SBF1: variants seen among roughly 807,000 people sequenced by gnomAD.
SBF1 encodes myotubularin-related protein 5.
SBF1 carries 65 observed loss-of-function variants against 215.8 expected under a neutral mutation model. The ratio of observed to expected loss-of-function variants is 0.30; its 90% CI spans 0.25 to 0.37. SBF1 has a LOEUF of 0.37. Ranked by LOEUF, SBF1 falls within the 10% of genes least tolerant of loss-of-function variation. SBF1 has a pLI of 1.00. For synonymous variants in SBF1, 1,410 were observed against 1,122.8 expected (o/e 1.26, Z -5.11); for missense variants, 2,634 against 2,667.8 (o/e 0.99, Z 0.28).
intron 1 of SBF1, among the ~76,000 whole-genome samples, chr22:50,472,184 G>A (rs1569514909): frequency 6.6e-6 from 1 of 152,190 alleles, no homozygotes; most frequent in Non-Finnish European, 1.5e-5. Context: ...TCTCTGAGGT[G>A]AAAGGGTCAC....
At chr22:50,461,891 A>G in intron 20 of SBF1, 22 bp from the exon 21 acceptor site, 1 of 1,613,944 alleles carries the variant, frequency 6.2e-7, no homozygotes, top group Non-Finnish European at 8.5e-7. Context: ...CAGTTCTCAC[A>G]CTTTGTGCCC....
In SBF1 at chr22:50,466,705, C is replaced by A. The variant is rs766198779; in HGVS notation, c.555G>T (p.Thr185=). The A allele has an allele frequency of 5.2e-6, 8 of 1,529,690 alleles. No homozygotes were observed. In the Admixed American group the frequency reaches 1.2e-4, roughly 24 times the overall value. 94.8% of individuals were successfully genotyped at this position (1,529,690 alleles called of 1,614,324 possible). The change falls in exon 6 of 41, where the codon ACG becomes ACT. Residue 185 remains threonine (T), a synonymous_variant. Coordinates refer to ENST00000380817, the MANE Select transcript of SBF1 (RefSeq NM_002972.4). Reference sequence around the variant, plus strand: ...GCCGGTCACCAGCCCCCAAAGAGATCGTCCTCTGCAGCAAAAAAAGGATCG... The same window carrying A: ...GCCGGTCACCAGCCCCCAAAGAGATAGTCCTCTGCAGCAAAAAAAGGATCG... The part of the protein sequence containing the change: ...TVPLAGGSQR[T]ISLGAGDRQV...
intron 36 of SBF1, among the ~76,000 whole-genome samples, chr22:50,451,506 T>C (rs2067046406): frequency 6.6e-6 from 1 of 152,036 alleles, no homozygotes; most frequent in Non-Finnish European, 1.5e-5. Flanking sequence ...TATGGGACAA[T>C]AAAGTTCCAG....
At chr22:50,449,672 G>C (rs1276851190) in intron 36 of SBF1, among the ~76,000 whole-genome samples, 1 of 147,794 alleles carries the variant, frequency 6.8e-6, no homozygotes, top group Non-Finnish European at 1.5e-5. Flanking sequence ...AAATGGGACA[G>C]AAAAACTGCT....
At position 50,474,848 on chromosome 22, in the gene SBF1, G is replaced by A; in HGVS notation, c.-8C>T. ...GTCCGCGAGCCGCGCCATGGCGAGG[G>A]ACGCGGGGCGGCCCGAGGGGCGCGG... On this transcript the variant is annotated 5_prime_UTR_variant, in exon 1 of 41. Coordinates refer to ENST00000380817, the MANE Select transcript of SBF1 (RefSeq NM_002972.4). 1 of 1,415,294 alleles carries A rather than the reference G, an allele frequency of 7.1e-7. No homozygotes were observed. The highest frequency in any genetic ancestry group is 9.2e-7 in the Non-Finnish European group (1 of 1,086,872). 87.7% of individuals were successfully genotyped at this position (1,415,294 alleles called of 1,614,324 possible). A position where few individuals can be genotyped will look rare whatever the true frequency, so the allele number is the denominator to read the frequency against.
intron 15 of SBF1, 53 bp downstream of exon 15, chr22:50,464,276 G>A: frequency 1.4e-6 from 2 of 1,425,388 alleles, no homozygotes; most frequent in Admixed American, 3.5e-5. Context: ...TGCAGCCTGG[G>A]TCTCCTCTGA....
intron 28 of SBF1, among the ~76,000 whole-genome samples, chr22:50,458,779 G>C (rs2067370268): frequency 6.6e-6 from 1 of 152,180 alleles, no homozygotes; most frequent in Non-Finnish European, 1.5e-5. Context: ...GGACACACGA[G>C]GACAGAGGCC....
chr22:50,461,329 G>A (rs2073280), intron 22 of SBF1, 43 bp from the exon 23 acceptor site: 7 of 1,537,150 alleles, frequency 4.6e-6, no homozygotes, highest in Middle Eastern at 1.7e-4. Context: ...GAAGGTAAGG[G>A]GGGGGGGGTC....
At chr22:50,473,066 G>A (rs1050840079) in intron 1 of SBF1, among the ~76,000 whole-genome samples, 3 of 152,178 alleles carry the variant, frequency 2.0e-5, no homozygotes, top group East Asian at 1.9e-4. Flanking sequence ...CCAGCAGTGA[G>A]CACACACGTC....
chr22:50,466,892 A>G (rs1569513948), intron 5 of SBF1, 182 bp from the exon 6 acceptor site: 5 of 582,168 alleles, frequency 8.6e-6, no homozygotes, highest in Non-Finnish European at 9.1e-6. Flanking sequence ...AAGCAGCTGC[A>G]GAGAAAACTC....
chr22:50,450,476 G>A (rs1044397678), intron 36 of SBF1, among the ~76,000 whole-genome samples: 4 of 151,456 alleles, frequency 2.6e-5, no homozygotes, highest in African/African-American at 9.7e-5. Flanking sequence ...AGCCGAGAGT[G>A]CGCCACTGCA....
At chr22:50,464,171 T>A (rs929554542) in intron 15 of SBF1, among the ~76,000 whole-genome samples, 158 bp downstream of exon 15, 1 of 152,110 alleles carries the variant, frequency 6.6e-6, no homozygotes, top group South Asian at 2.1e-4. Context: ...AGAGGAGACC[T>A]GGAGCCCACC....
Position 50,460,009 on chromosome 22 carries a change from G to A in SBF1, c.3434C>T (p.Ala1145Val), listed in dbSNP as rs1361033234. ...LGTLSSSLSR[A>V]KSEPFRISPV... ...AGAAATGCGGAAGGGCTCAGACTTG[G>A]CCCGGCTCAGGCTGCTGCTCAGGGT... The change falls in exon 26 of 41, where the codon GCC (alanine) becomes GTC (valine). Residue 1145 changes from alanine to valine, a missense_variant. Transcript: ENST00000380817. The A allele has an allele frequency of 6.2e-7, 1 of 1,613,990 alleles. No individual in the cohort carries two copies. Among genetic ancestry groups the A allele is most frequent in the East Asian group, 2.2e-5 (1 of 44,886 alleles).
chr22:50,460,814 G>A (rs536482098), intron 23 of SBF1, 102 bp from the exon 24 acceptor site: 3 of 1,289,862 alleles, frequency 2.3e-6, no homozygotes, highest in African/African-American at 2.9e-5. Context: ...CCATGACAGA[G>A]AGAGAAGCAG....
At position 50,462,052 on chromosome 22, in the gene SBF1, C is replaced by T. The variant is rs201061231; in HGVS notation, c.2464G>A (p.Val822Ile). 1.5e-4 allele frequency: 235 copies of T among 1,614,084 alleles called. No homozygotes were observed. Among genetic ancestry groups the T allele is most frequent in the African/African-American group, 1.7e-4 (13 of 74,946 alleles). ...ATGAAGCGGACCACAGCCCCAGCTA[C>T]GTCGCAGGTCTCTGCATCCTCGAAG... ...SGFEDAETCD[V>I]AGAVVRFINR... is the part of the protein sequence containing the mutation. Residue 822 changes from valine (V) to isoleucine (I), a missense_variant, in exon 20 of 41, where the codon GTA (valine) becomes ATA (isoleucine). Coordinates refer to ENST00000380817, the MANE Select transcript of SBF1 (RefSeq NM_002972.4).
chr22:50,454,993 C>T, intron 34 of SBF1, 23 bp downstream of exon 34: 1 of 1,614,016 alleles, frequency 6.2e-7, no homozygotes, highest in East Asian at 2.2e-5. Flanking sequence ...CCGTGGCTGC[C>T]CCAGCCCCGA....
chr22:50,459,640 TG>T lies in SBF1; in HGVS notation c.3517del (p.Gln1173ArgfsTer152). 1 of 1,607,656 alleles carries T rather than the reference TG, an allele frequency of 6.2e-7. No homozygotes were observed. The highest frequency in any genetic ancestry group is 8.5e-7 in the Non-Finnish European group (1 of 1,178,020). On this transcript the variant is annotated frameshift_variant, in exon 27 of 41. Transcript: ENST00000380817. LOFTEE classifies it high-confidence loss of function. ...CTGCAGGGCGTTGTCCTGGACACTCTGGGGCACGATCAGCAGCCCTGGGTAG... is the reference window on the plus strand; with the variant it reads ...CTGCAGGGCGTTGTCCTGGACACTCTGGGCACGATCAGCAGCCCTGGGTAG... ...RSYPGLLIVP[Q>X]SVQDNALQRV...
intron 18 of SBF1, 26 bp from the exon 19 acceptor site, chr22:50,462,499 C>G: frequency 6.2e-7 from 1 of 1,612,040 alleles, no homozygotes; most frequent in Non-Finnish European, 8.5e-7. Context: ...ACGCATGAGC[C>G]GGGGCCACGC....
At position 50,454,645 on chromosome 22, in the gene SBF1, G is replaced by A; in HGVS notation, c.4910C>T (p.Ala1637Val). 4.4e-6 allele frequency: 7 copies of A among 1,596,188 alleles called. No individual in the cohort carries two copies. Among genetic ancestry groups the A allele is most frequent in the Non-Finnish European group, 6.0e-6 (7 of 1,170,980 alleles). The change falls in exon 36 of 41, where the codon GCC (alanine) becomes GTC (valine). Residue 1637 changes from alanine (A) to valine (V), a missense_variant. Coordinates refer to ENST00000380817, the MANE Select transcript of SBF1 (RefSeq NM_002972.4). ...CTCTGGGGGTTCAGGGGGCCCCTGG[G>A]CCAGTTCCCAGTCATAGGGAGGGCC... ...AEGPPYDWEL[A>V]QGPPEPPEEE...
Sources: gnomAD v4.1 joint callset for allele counts (sites outside exome capture counted in the v4.1 genomes callset) on GRCh38, gnomAD v4.1.1 for gene constraint, MANE v1.5 for transcripts, NCBI Gene and HGNC (gene_info 2026-07-23, HGNC 2026-07-21) for gene names.